The following SPTBN1 variants were observed in gnomAD, a reference collection of about 807,000 sequenced individuals.
SPTBN1 encodes spectrin beta chain, non-erythrocytic 1.
SPTBN1 carries 32 observed loss-of-function variants against 266.4 expected under a neutral mutation model. That is an observed-to-expected ratio of 0.12 (90% CI 0.09 to 0.16). SPTBN1 has a LOEUF of 0.16. Among genes scored for constraint, SPTBN1 ranks in the 10% least tolerant of loss-of-function variants. The probability of loss-of-function intolerance (pLI) is 1.00; values close to 1 mark genes in which losing one functional copy is unlikely to be tolerated. For missense variants in SPTBN1, 2,296 were observed against 3,067.1 expected (o/e 0.75, Z 5.94); for synonymous variants, 1,336 against 1,162.2 (o/e 1.15, Z -3.04).
chr2:54,604,784 GA>G (rs1192996779), intron 3 of SPTBN1, among the ~76,000 whole-genome samples: 6 of 152,046 alleles, frequency 3.9e-5, no homozygotes, highest in Non-Finnish European at 5.9e-5. Context: ...AAGTGCCTGT[GA>G]AAAAAACACA....
chr2:54,456,732 T>G (rs1377043648), intron 1 of SPTBN1, among the ~76,000 whole-genome samples: 2 of 149,048 alleles, frequency 1.3e-5, no homozygotes, highest in Admixed American at 6.6e-5. Context: ...CGGGTGCTCA[T>G]TGGTACTCGG....
intron 4 of SPTBN1, among the ~76,000 whole-genome samples, chr2:54,615,092 T>A (rs1677508297): frequency 6.6e-6 from 1 of 152,120 alleles, no homozygotes; most frequent in African/African-American, 2.4e-5. Flanking sequence ...CTGGGGTTTA[T>A]ACAGACTCAG....
intron 11 of SPTBN1, 151 bp downstream of exon 11, chr2:54,625,113 G>A: frequency 1.2e-6 from 1 of 846,088 alleles, no homozygotes; most frequent in South Asian, 2.3e-5. Flanking sequence ...CCCATTAAGA[G>A]GATGTTTATA....
At chr2:54,657,645 A>G (rs1375346065) in intron 29 of SPTBN1, among the ~76,000 whole-genome samples, 2 of 152,108 alleles carry the variant, frequency 1.3e-5, no homozygotes, top group African/African-American at 2.4e-5. Flanking sequence ...ATTTATTTTT[A>G]CTCTTTTTAA....
intron 35 of SPTBN1, 97 bp downstream of exon 35, chr2:54,667,743 G>T: frequency 8.9e-7 from 1 of 1,125,762 alleles, no homozygotes; most frequent in East Asian, 2.4e-5. Context: ...TGTAAATGAT[G>T]ATCAGTGATG....
intron 1 of SPTBN1, among the ~76,000 whole-genome samples, chr2:54,478,544 A>G (rs1356002983): frequency 2.0e-5 from 3 of 152,192 alleles, no homozygotes; most frequent in African/African-American, 4.8e-5. Flanking sequence ...GATTGTATCA[A>G]AGAAGAGTCC....
chr2:54,522,717 A>G (rs1670556285), intron 1 of SPTBN1, among the ~76,000 whole-genome samples: 1 of 144,106 alleles, frequency 6.9e-6, no homozygotes, highest in Non-Finnish European at 1.5e-5. Flanking sequence ...GAAAGGAAAG[A>G]AAGAAAGAAA....
At chr2:54,503,378 CA>C (rs1414248414) in intron 1 of SPTBN1, among the ~76,000 whole-genome samples, 1 of 152,194 alleles carries the variant, frequency 6.6e-6, no homozygotes, top group Non-Finnish European at 1.5e-5. Context: ...GCAGTCAGAG[CA>C]AGCTGAGGGA....
chr2:54,459,387 A>G (rs1693239101), intron 1 of SPTBN1, among the ~76,000 whole-genome samples: 1 of 152,204 alleles, frequency 6.6e-6, no homozygotes, highest in African/African-American at 2.4e-5. Flanking sequence ...GAGGCTTGGC[A>G]TTGGCAGAGT....
At chr2:54,526,342 T>C in intron 1 of SPTBN1, 30 bp from the exon 2 acceptor site, 1 of 1,572,178 alleles carries the variant, frequency 6.4e-7, no homozygotes, top group Non-Finnish European at 8.6e-7. Context: ...ACTTCAGACG[T>C]CTAAATGTTT....
chr2:54,666,912 A>C (rs954157560), intron 34 of SPTBN1, among the ~76,000 whole-genome samples: 1 of 152,184 alleles, frequency 6.6e-6, no homozygotes, highest in Non-Finnish European at 1.5e-5. Context: ...GTCCTGGAAC[A>C]CTTTACATTT....
rs1185263063 is a variant in SPTBN1 at position 54,665,908 on chromosome 2, T to C, written c.6660-7T>C. The stretch of plus-strand genomic sequence containing the variant: ...TCTCCCCCTGCCCTTTTTTTTAAAC[T>C]GCACAGGTCCTGGCACAATGTTTAT... On this transcript the variant is annotated splice_polypyrimidine_tract_variant and splice_region_variant and intron_variant, in intron 33 of 35. Coordinates refer to ENST00000356805, the MANE Select transcript of SPTBN1 (RefSeq NM_003128.3). 6.2e-7 allele frequency: 1 copy of C among 1,603,890 alleles called. No homozygotes were observed. The highest frequency in any genetic ancestry group is 1.1e-5 in the South Asian group (1 of 88,964).
intron 2 of SPTBN1, among the ~76,000 whole-genome samples, chr2:54,586,543 T>C (rs547690051): frequency 4.6e-5 from 7 of 152,354 alleles, no homozygotes; most frequent in South Asian, 4.1e-4. Flanking sequence ...TAGTCTGATT[T>C]GGAGGACTTC....
At chr2:54,601,079 T>A (rs975480578) in intron 3 of SPTBN1, among the ~76,000 whole-genome samples, 5 of 152,134 alleles carry the variant, frequency 3.3e-5, no homozygotes, top group African/African-American at 1.2e-4. Flanking sequence ...CCTTATTTGT[T>A]AGCAGTAAGT....
intron 1 of SPTBN1, among the ~76,000 whole-genome samples, chr2:54,517,604 T>C (rs1303169999): frequency 6.6e-6 from 1 of 152,038 alleles, no homozygotes; most frequent in Non-Finnish European, 1.5e-5. Flanking sequence ...ATGATCTGAT[T>C]TTGTGAATTT....
At chr2:54,624,177 T>C (rs1408301328) in intron 10 of SPTBN1, among the ~76,000 whole-genome samples, 1 of 152,242 alleles carries the variant, frequency 6.6e-6, no homozygotes, top group African/African-American at 2.4e-5. Context: ...GGTCTCACTA[T>C]ATAGCCCAGG....
intron 1 of SPTBN1, among the ~76,000 whole-genome samples, chr2:54,473,364 G>C (rs1339635467): frequency 6.6e-6 from 1 of 152,162 alleles, no homozygotes; most frequent in South Asian, 2.1e-4. Flanking sequence ...TAGATGTATT[G>C]ATCTTTTCAC....
rs781328415 is a variant in SPTBN1, at chr2:54,649,906, C to G, written c.5494C>G (p.Leu1832Val). 1.2e-6 allele frequency: 2 copies of G among 1,614,074 alleles called. No homozygotes were observed. Among genetic ancestry groups the G allele is most frequent in the Non-Finnish European group, 1.7e-6 (2 of 1,180,044 alleles). ...CAAACACAAGAAACTCCCTGAGGAG[C>G]TTGGGAGAGATCAGAACACAGTGGA... The part of the protein sequence containing the change: ...QDKHKKLPEE[L>V]GRDQNTVETL... The change falls in exon 26 of 36, where the codon CTT (leucine) becomes GTT (valine). Residue 1832 changes from leucine to valine, a missense_variant. Leu to Val is a conservative substitution (Grantham distance 32). Transcript: ENST00000356805. This position sits in a 1 kb window ranked among gnomAD's most constrained non-coding sequence, Gnocchi z 6.7.
chr2:54,567,072 T>A (rs1055660068), intron 2 of SPTBN1, among the ~76,000 whole-genome samples: 10 of 152,226 alleles, frequency 6.6e-5, no homozygotes, highest in African/African-American at 2.4e-4. Flanking sequence ...GGTTAAAAAG[T>A]GCATGGGTGT....
Sources: gnomAD v4.1 joint callset for allele counts (sites outside exome capture counted in the v4.1 genomes callset) on GRCh38, gnomAD v4.1.1 for gene constraint, Gnocchi (gnomAD v3.1) non-coding constraint, MANE v1.5 for transcripts, NCBI Gene and HGNC (gene_info 2026-07-23, HGNC 2026-07-21) for gene names.